Variants in ADORA2B observed in about 807,000 individuals in gnomAD.
ADORA2B encodes the protein adenosine A2b receptor, also known as adenosine receptor A2b.
ADORA2B carries 18 observed loss-of-function variants against 20.8 expected under a neutral mutation model. The ratio of observed to expected loss-of-function variants is 0.87; its 90% CI spans 0.60 to 1.29. ADORA2B has a LOEUF of 1.29. Ranked by LOEUF, ADORA2B falls within the 50% of genes most tolerant of loss-of-function variation. The pLI, the probability that ADORA2B is intolerant of heterozygous loss-of-function variation, is 0.00. For missense variants in ADORA2B, 441 were observed against 422.7 expected (o/e 1.04, Z -0.38); for synonymous variants, 179 against 178.3 (o/e 1.00, Z -0.03).
the ADORA2B span, among the ~76,000 whole-genome samples, chr17:15,853,600 A>C: frequency 2.6e-5 from 4 of 152,244 alleles, no homozygotes; most frequent in South Asian, 8.3e-4. Context: ...TTAGAAAAAC[A>C]TCACTTACTA....
At chr17:15,859,941 AAGT>A in the ADORA2B span, among the ~76,000 whole-genome samples, 2 of 152,228 alleles carry the variant, frequency 1.3e-5, no homozygotes, top group African/African-American at 4.8e-5. Context: ...CCAAAGAAAG[AAGT>A]AGTAAAAACT....
At chr17:15,951,668 C>T (rs933244926) in intron 1 of ADORA2B, among the ~76,000 whole-genome samples, 3 of 152,224 alleles carry the variant, frequency 2.0e-5, no homozygotes, top group Non-Finnish European at 4.4e-5. Flanking sequence ...TGTCTTGGAA[C>T]CAGGTCAGAA....
At chr17:15,896,307 CTG>C in the ADORA2B span, among the ~76,000 whole-genome samples, 11 of 152,066 alleles carry the variant, frequency 7.2e-5, no homozygotes, top group African/African-American at 2.4e-4. Flanking sequence ...TACAAAAAAA[CTG>C]TGTTTAAACA....
chr17:15,925,144 T>G, the ADORA2B span, among the ~76,000 whole-genome samples: 5 of 152,194 alleles, frequency 3.3e-5, no homozygotes, highest in African/African-American at 1.2e-4. Context: ...CAGGTGATTC[T>G]CCTGCCTCAG....
intron 1 of ADORA2B, among the ~76,000 whole-genome samples, chr17:15,963,437 CT>C (rs1219488527): frequency 6.6e-6 from 1 of 152,190 alleles, no homozygotes; most frequent in East Asian, 1.9e-4. Context: ...GCGGCTGATG[CT>C]TTTGACAGTT....
At chr17:15,894,429 G>C in the ADORA2B span, among the ~76,000 whole-genome samples, 1 of 152,210 alleles carries the variant, frequency 6.6e-6, no homozygotes. Context: ...CAGGGCGAAG[G>C]AGTAGCTGCA....
the ADORA2B span, among the ~76,000 whole-genome samples, chr17:15,879,727 C>T: frequency 2.7e-5 from 4 of 149,816 alleles, no homozygotes; most frequent in South Asian, 2.1e-4. Flanking sequence ...TTAGTAGAGA[C>T]GGGGTTTCAC....
the ADORA2B span, among the ~76,000 whole-genome samples, chr17:15,938,519 G>A: frequency 6.6e-6 from 1 of 152,156 alleles, no homozygotes; most frequent in African/African-American, 2.4e-5. Context: ...AGCCAGGATG[G>A]TCTCTATCTC....
chr17:15,947,845 G>A (rs942168082), intron 1 of ADORA2B, among the ~76,000 whole-genome samples: 2 of 152,214 alleles, frequency 1.3e-5, no homozygotes, highest in African/African-American at 4.8e-5. Context: ...GTGTCGAGGG[G>A]ATTCCAGCAG....
At chr17:15,923,206 A>ATTTTTTTTTTTTTTTTTTTTT in the ADORA2B span, among the ~76,000 whole-genome samples, 2 of 113,526 alleles carry the variant, frequency 1.8e-5, no homozygotes, top group Non-Finnish European at 3.5e-5. Flanking sequence ...TCTTTTTTTA[A>ATTTTTTTTTTTTTTTTTTTTT]TTTTTTTTTT....
the ADORA2B span, among the ~76,000 whole-genome samples, chr17:15,893,085 C>T: frequency 6.6e-6 from 1 of 152,194 alleles, no homozygotes; most frequent in Admixed American, 6.6e-5. Context: ...TTTTACCTTC[C>T]CATGTGCAAT....
the ADORA2B span, among the ~76,000 whole-genome samples, chr17:15,855,796 G>A: frequency 0.012 from 1,892 of 151,510 alleles, 42 homozygotes; most frequent in African/African-American, 0.045. Flanking sequence ...CCCATCATTC[G>A]GGTGGTGAGC....
the ADORA2B span, among the ~76,000 whole-genome samples, chr17:15,860,510 C>T: frequency 2.6e-5 from 4 of 152,096 alleles, no homozygotes; most frequent in Non-Finnish European, 5.9e-5. Flanking sequence ...AAAACATTAC[C>T]TGGGGGCAGG....
At chr17:15,972,335 A>G (rs1567784711) in intron 1 of ADORA2B, among the ~76,000 whole-genome samples, 1 of 152,242 alleles carries the variant, frequency 6.6e-6, no homozygotes, top group Non-Finnish European at 1.5e-5. Context: ...GCAAGTCTTC[A>G]GGTAATGTCA....
At chr17:15,940,238 G>A (rs1969732095), upstream of ADORA2B, among the ~76,000 whole-genome samples, 1 of 152,206 alleles carries the variant, frequency 6.6e-6, no homozygotes. Flanking sequence ...TGGTGCAGGA[G>A]TCTGGTCGTG....
Position 15,945,519 on chromosome 17 carries a change from A to T in ADORA2B, c.271A>T (p.Ser91Cys). The T allele has an allele frequency of 1.2e-6, 2 of 1,607,374 alleles. No homozygotes were observed. The highest frequency in any genetic ancestry group is 1.7e-6 in the Non-Finnish European group (2 of 1,177,856). ...LACFVLVLTQ[S>C]SIFSLLAVAV... The stretch of plus-strand genomic sequence containing the variant: ...CTGCTTCGTGCTGGTGCTCACGCAG[A>T]GCTCCATCTTCAGCCTTCTGGCCGT... Residue 91 changes from serine (S) to cysteine (C), a missense_variant, in exon 1 of 2, where the codon AGC becomes TGC. By Grantham distance (112) the Ser-to-Cys change is moderately radical (BLOSUM62 -1). Coordinates refer to ENST00000304222, the MANE Select transcript of ADORA2B (RefSeq NM_000676.4).
the ADORA2B span, among the ~76,000 whole-genome samples, chr17:15,934,368 G>A: frequency 6.6e-6 from 1 of 152,028 alleles, no homozygotes; most frequent in Non-Finnish European, 1.5e-5. Flanking sequence ...TGGGACTACA[G>A]GTGCATGCCA....
At chr17:15,889,874 G>T in the ADORA2B span, among the ~76,000 whole-genome samples, 1 of 128,980 alleles carries the variant, frequency 7.8e-6, no homozygotes, top group African/African-American at 3.3e-5. Context: ...CTCCAGCCTG[G>T]GCAACAGAGC....
the ADORA2B span, among the ~76,000 whole-genome samples, chr17:15,928,733 G>A: frequency 6.6e-6 from 1 of 152,126 alleles, no homozygotes; most frequent in Non-Finnish European, 1.5e-5. Flanking sequence ...TGTGGAGGAA[G>A]AGATTGGGAA....
Sources: allele counts gnomAD v4.1 joint callset (sites outside exome capture counted in the v4.1 genomes callset), GRCh38; gene constraint gnomAD v4.1.1; transcripts MANE v1.5; gene names NCBI Gene and HGNC (gene_info 2026-07-23, HGNC 2026-07-21).